The following RBFOX1 variants were observed in gnomAD, a reference collection of about 807,000 sequenced individuals.
RBFOX1 encodes the protein RNA binding fox-1 homolog 1, also known as RNA binding protein fox-1 homolog 1.
In RBFOX1, 8 loss-of-function variants were observed where a neutral mutation model predicts 57.7. That is an observed-to-expected ratio of 0.14 (90% CI 0.08 to 0.25). The LOEUF (loss-of-function observed/expected upper bound fraction) is 0.25, where lower values mean the gene tolerates loss of function less well. Among genes scored for constraint, RBFOX1 ranks in the 10% least tolerant of loss-of-function variants. RBFOX1 has a pLI of 1.00. For missense variants in RBFOX1, 611 were observed against 548.5 expected (o/e 1.11, Z -1.14); for synonymous variants, 326 against 222.4 (o/e 1.47, Z -4.15).
chr16:7,066,007 C>T (rs1232964726), intron 4 of RBFOX1, among the ~76,000 whole-genome samples: 2 of 151,604 alleles, frequency 1.3e-5, no homozygotes, highest in Non-Finnish European at 2.9e-5. Flanking sequence ...CAAAAAAAAA[C>T]TATTACCAAT....
At chr16:7,255,077 G>A (rs115795150) in intron 4 of RBFOX1, among the ~76,000 whole-genome samples, 1,701 of 152,132 alleles carry the variant, frequency 0.011, 16 homozygotes, top group South Asian at 0.02. Flanking sequence ...TAATATTAAC[G>A]TTAGCTGTTA....
At chr16:6,203,017 C>G (rs1048000956) in intron 1 of RBFOX1, among the ~76,000 whole-genome samples, 1 of 151,990 alleles carries the variant, frequency 6.6e-6, no homozygotes, top group Non-Finnish European at 1.5e-5. Context: ...TTCAAGTGAT[C>G]CTCCTGCTTC....
At chr16:7,162,567 TAA>T (rs1176692946) in intron 4 of RBFOX1, among the ~76,000 whole-genome samples, 21 of 107,750 alleles carry the variant, frequency 1.9e-4, no homozygotes, top group Admixed American at 2.0e-4. Context: ...CTGTCTCTAC[TAA>T]AAAAAAAAAA....
At chr16:6,859,128 T>TAC (rs200784722) in intron 3 of RBFOX1, among the ~76,000 whole-genome samples, 6 of 77,160 alleles carry the variant, frequency 7.8e-5, no homozygotes, top group Admixed American at 2.7e-4. Context: ...TATATATATA[T>TAC]ACATATATAT....
At chr16:5,823,809 A>C (rs940977823) in intron 3 of RBFOX1, among the ~76,000 whole-genome samples, 4 of 152,334 alleles carry the variant, frequency 2.6e-5, no homozygotes, top group South Asian at 4.1e-4. Context: ...GCAGGAAAAC[A>C]AGCTCAGGGC....
At chr16:5,270,460 C>A in intron 1 of RBFOX1, 1 of 768,746 alleles carries the variant, frequency 1.3e-6, no homozygotes. Context: ...GCAGAAACTG[C>A]CTGACTAACT....
In RBFOX1 at chr16:7,092,859, C is replaced by T. The variant is rs77379822; in HGVS notation, c.27+40761C>T. Reference sequence around the variant, plus strand: ...TTACCAAATCGAAGGCTGGGACATCCGCCTTTTCACAGTGATTCTTCTTTC... The same window carrying T: ...TTACCAAATCGAAGGCTGGGACATCTGCCTTTTCACAGTGATTCTTCTTTC... On this transcript the variant is annotated intron_variant, in intron 4 of 15. Transcript: ENST00000550418. Among the ~76,000 whole-genome samples the T allele has an allele frequency of 3.5e-4, 54 of 152,268 alleles. 1 individual carries two copies. The East Asian group carries it at 7.3e-3, about 21-fold the overall frequency.
At chr16:6,189,205 A>C (rs1394295391) in intron 1 of RBFOX1, among the ~76,000 whole-genome samples, 1 of 152,212 alleles carries the variant, frequency 6.6e-6, no homozygotes, top group Admixed American at 6.5e-5. Context: ...TTCATAGCAA[A>C]TGTTACAACA....
chr16:5,684,293 A>C (rs757209390), intron 3 of RBFOX1, among the ~76,000 whole-genome samples: 1 of 152,102 alleles, frequency 6.6e-6, no homozygotes, highest in South Asian at 2.1e-4. Flanking sequence ...AACTAATAGG[A>C]TATATATCTA....
intron 3 of RBFOX1, among the ~76,000 whole-genome samples, chr16:6,734,018 A>G (rs998172712): frequency 2.0e-5 from 3 of 152,240 alleles, no homozygotes; most frequent in Non-Finnish European, 4.4e-5. Flanking sequence ...ACATCATTAC[A>G]GTTTAACACG....
chr16:6,998,358 A>G (rs1390559892), intron 3 of RBFOX1, among the ~76,000 whole-genome samples: 1 of 152,196 alleles, frequency 6.6e-6, no homozygotes, highest in East Asian at 1.9e-4. Context: ...CATGAATCCA[A>G]GAAATAATAA....
At chr16:7,680,324 T>C (rs2074409019) in intron 14 of RBFOX1, among the ~76,000 whole-genome samples, 2 of 152,146 alleles carry the variant, frequency 1.3e-5, no homozygotes, top group Admixed American at 6.6e-5. Context: ...CACAAATATT[T>C]GGGAAAATGT....
chr16:6,635,770 A>G (rs954852965), intron 2 of RBFOX1, among the ~76,000 whole-genome samples: 2 of 152,156 alleles, frequency 1.3e-5, no homozygotes, highest in African/African-American at 4.8e-5. Context: ...AACATAAACT[A>G]TTTTGATGCA....
chr16:5,683,552 G>A (rs922552195), intron 3 of RBFOX1, among the ~76,000 whole-genome samples: 25 of 152,010 alleles, frequency 1.6e-4, no homozygotes, highest in Non-Finnish European at 2.4e-4. Flanking sequence ...ACCTGAAAAG[G>A]AGAGATGGGC....
intron 3 of RBFOX1, among the ~76,000 whole-genome samples, chr16:5,715,544 T>C (rs1376553527): frequency 6.6e-6 from 1 of 152,260 alleles, no homozygotes; most frequent in East Asian, 1.9e-4. Flanking sequence ...GACTGATCTC[T>C]CTCTTTTTGT....
intron 3 of RBFOX1, among the ~76,000 whole-genome samples, chr16:5,618,263 A>G (rs2048100317): frequency 6.6e-6 from 1 of 152,152 alleles, no homozygotes; most frequent in Non-Finnish European, 1.5e-5. Flanking sequence ...CTTTGCTGTG[A>G]TGATGGCTGT....
At chr16:5,450,472 G>A (rs2068388521) in intron 1 of RBFOX1, among the ~76,000 whole-genome samples, 1 of 152,186 alleles carries the variant, frequency 6.6e-6, no homozygotes, top group South Asian at 2.1e-4. Context: ...GAACCCTGCT[G>A]CGGTACAACC....
At chr16:6,856,229 G>T (rs1341448164) in intron 3 of RBFOX1, among the ~76,000 whole-genome samples, 1 of 152,024 alleles carries the variant, frequency 6.6e-6, no homozygotes, top group East Asian at 1.9e-4. Context: ...AGAAACATCT[G>T]AATCATCAAG....
intron 12 of RBFOX1, among the ~76,000 whole-genome samples, chr16:7,657,059 C>T (rs752253482): frequency 9.9e-5 from 15 of 152,246 alleles, no homozygotes; most frequent in Middle Eastern, 3.4e-3. Context: ...TATCTGCCAA[C>T]CTAAATCTGT....
Sources: allele counts gnomAD v4.1 joint callset (sites outside exome capture counted in the v4.1 genomes callset), GRCh38; gene constraint gnomAD v4.1.1; transcripts MANE v1.5; gene names NCBI Gene and HGNC (gene_info 2026-07-23, HGNC 2026-07-21).